IP6K2: variants seen among roughly 807,000 people sequenced by gnomAD.
The protein encoded by IP6K2 is ATP:1D-myo-inositol-hexakisphosphate phosphotransferase.
Under a neutral mutation model 43.3 loss-of-function variants are expected in IP6K2, and 9 were observed. The observed-to-expected ratio is 0.21, with a 90% CI of 0.13 to 0.36. The LOEUF (loss-of-function observed/expected upper bound fraction) is 0.36. Ranked by LOEUF, IP6K2 falls within the 10% of genes least tolerant of loss-of-function variation. The pLI is 1.00. For missense variants in IP6K2, 332 were observed against 538.4 expected (o/e 0.62, Z 3.79); for synonymous variants, 209 against 202.4 (o/e 1.03, Z -0.28).
Position 48,704,235 on chromosome 3 carries a change from C to T in IP6K2, c.-130-8814G>A, listed in dbSNP as rs572733537. ...AACACCAAATTGACCTGTCTGGGTA[C>T]ATGGCATCAAACTACCATCAACCTC... On this transcript the variant is annotated intron_variant, in intron 1 of 5. Transcript: ENST00000328631. Among the ~76,000 whole-genome samples the T allele has an allele frequency of 7.9e-5, 12 of 152,296 alleles. No individual in the cohort carries two copies. In the South Asian group the frequency reaches 2.5e-3, roughly 32 times the overall value.
At chr3:48,689,755 G>A (rs373167135) in intron 4 of IP6K2, 42 bp from the exon 5 acceptor site, 1 of 1,567,300 alleles carries the variant, frequency 6.4e-7, no homozygotes, top group East Asian at 2.2e-5. Flanking sequence ...AAGTGCTACT[G>A]CATGGGTCCT....
chr3:48,698,950 G>C (rs537219098), intron 1 of IP6K2, among the ~76,000 whole-genome samples: 2 of 152,164 alleles, frequency 1.3e-5, no homozygotes, highest in Admixed American at 1.3e-4. Context: ...TGCTATCACA[G>C]CAATGCTAAC....
chr3:48,695,574 C>G lies in IP6K2; in HGVS notation c.-130-153G>C, dbSNP rs1020060212. ...TGCCACCCACCTTGGCCCCCGCCTT[C>G]TCCGGCAGAAAAACAAAAACACTAT... On this transcript the variant is annotated intron_variant, in intron 1 of 5. Transcript: ENST00000328631. The surrounding 1 kb of genome is among the most constrained non-coding windows in gnomAD (Gnocchi z 4.6). 1 of 1,065,052 alleles carries G rather than the reference C, an allele frequency of 9.4e-7. No homozygotes were observed. Among genetic ancestry groups the G allele is most frequent in the Non-Finnish European group, 1.2e-6 (1 of 831,880 alleles). The allele number at this position is 1,065,052 out of a possible 1,614,324, so 66.0% of individuals were successfully genotyped here.
intron 1 of IP6K2, among the ~76,000 whole-genome samples, chr3:48,700,085 CTTTTG>C (rs1239856631): frequency 6.6e-6 from 1 of 152,094 alleles, no homozygotes; most frequent in African/African-American, 2.4e-5. Flanking sequence ...CTTTTTGATC[CTTTTG>C]TTTTAATTAT....
At chr3:48,693,939 G>A in intron 2 of IP6K2, 1 of 1,356,340 alleles carries the variant, frequency 7.4e-7, no homozygotes, top group African/African-American at 1.5e-5. Flanking sequence ...CAGTCTTTGA[G>A]GATGGGGCTG....
intron 2 of IP6K2, chr3:48,694,009 C>CG: frequency 1.6e-5 from 23 of 1,404,918 alleles, no homozygotes; most frequent in Admixed American, 1.0e-4. Context: ...GGCTGAACAC[C>CG]TTTCCTCCCA....
chr3:48,696,491 G>T (rs1355011831), intron 1 of IP6K2, among the ~76,000 whole-genome samples: 1 of 152,128 alleles, frequency 6.6e-6, no homozygotes, highest in Non-Finnish European at 1.5e-5. Flanking sequence ...TTAAACCAAA[G>T]TTATGCTCTT....
intron 1 of IP6K2, among the ~76,000 whole-genome samples, chr3:48,703,072 A>G (rs2079246522): frequency 6.6e-6 from 1 of 152,226 alleles, no homozygotes; most frequent in Non-Finnish European, 1.5e-5. Context: ...TGCATTTATT[A>G]TTTTCCACCT....
rs139349177 is a variant in IP6K2, at chr3:48,695,189, A to C, written c.103T>G (p.Phe35Val). The stretch of plus-strand genomic sequence containing the variant: ...GGCTTGCACAGGGTTGTCTCATTGA[A>C]GCGGAGCACGCATGAGTGCCCCCCG... Reference protein sequence around the residue: ...QVGGHSCVLRFNETTLCKPLV... With the variant: ...QVGGHSCVLRVNETTLCKPLV... Residue 35 changes from phenylalanine (F) to valine (V), a missense_variant, in exon 2 of 6, where the codon TTC becomes GTC. Coordinates refer to ENST00000328631, the MANE Select transcript of IP6K2 (RefSeq NM_016291.4). This position sits in a 1 kb window ranked among gnomAD's most constrained non-coding sequence, Gnocchi z 4.6. 1.9e-6 allele frequency: 3 copies of C among 1,593,444 alleles called. No individual in the cohort carries two copies. The African/African-American group carries it at 4.0e-5, about 21-fold the overall frequency.
intron 1 of IP6K2, among the ~76,000 whole-genome samples, chr3:48,714,012 G>A (rs1235773873): frequency 2.0e-5 from 3 of 152,104 alleles, no homozygotes; most frequent in Non-Finnish European, 4.4e-5. Context: ...AGCTACTAGG[G>A]AGGCTGAGGC....
intron 4 of IP6K2, 38 bp from the exon 5 acceptor site, chr3:48,689,751 T>C (rs1285050074): frequency 1.9e-6 from 3 of 1,580,444 alleles, no homozygotes; most frequent in South Asian, 2.2e-5. Context: ...AAGGAAGTGC[T>C]ACTGCATGGG....
chr3:48,705,915 A>C (rs2079700605), intron 1 of IP6K2, among the ~76,000 whole-genome samples: 1 of 150,508 alleles, frequency 6.6e-6, no homozygotes, highest in Admixed American at 6.6e-5. Flanking sequence ...AAAATAAAAA[A>C]AAACAGAAGG....
chr3:48,706,965 TTTG>T (rs1559553343), intron 1 of IP6K2, among the ~76,000 whole-genome samples: 2 of 152,308 alleles, frequency 1.3e-5, no homozygotes, highest in African/African-American at 4.8e-5. Flanking sequence ...CTTACCTAAT[TTTG>T]TTATCATAAT....
chr3:48,713,219 C>T (rs1402707637), intron 1 of IP6K2, among the ~76,000 whole-genome samples: 2 of 152,234 alleles, frequency 1.3e-5, no homozygotes, highest in Non-Finnish European at 2.9e-5. Context: ...CTGAGACAAG[C>T]TCACACGGCC....
At chr3:48,700,939 G>A (rs1241880014) in intron 1 of IP6K2, among the ~76,000 whole-genome samples, 1 of 152,324 alleles carries the variant, frequency 6.6e-6, no homozygotes, top group East Asian at 1.9e-4. Context: ...ACAAGCCAGG[G>A]TTAATTATGC....
At chr3:48,714,953 CAG>C (rs1282788407) in intron 1 of IP6K2, among the ~76,000 whole-genome samples, 1 of 151,244 alleles carries the variant, frequency 6.6e-6, no homozygotes, top group East Asian at 1.9e-4. Flanking sequence ...TTATGGATGA[CAG>C]ACCCAAATCA....
chr3:48,697,539 C>G (rs1420802901), intron 1 of IP6K2, among the ~76,000 whole-genome samples: 1 of 135,966 alleles, frequency 7.4e-6, no homozygotes, highest in East Asian at 2.3e-4. Context: ...CAGGGTTTCA[C>G]CATGTTGGCC....
intron 1 of IP6K2, among the ~76,000 whole-genome samples, chr3:48,697,315 G>A (rs1446134020): frequency 6.6e-5 from 10 of 151,284 alleles, no homozygotes; most frequent in Non-Finnish European, 1.2e-4. Context: ...CACCGCGCCC[G>A]GCCAGTTGTT....
intron 1 of IP6K2, among the ~76,000 whole-genome samples, chr3:48,696,407 T>C (rs376965127): frequency 6.6e-6 from 1 of 152,198 alleles, no homozygotes; most frequent in Non-Finnish European, 1.5e-5. Context: ...TAACTCCATT[T>C]AAAAAGATAC....
Sources: allele counts gnomAD v4.1 joint callset (sites outside exome capture counted in the v4.1 genomes callset), GRCh38; gene constraint gnomAD v4.1.1; non-coding constraint Gnocchi (gnomAD v3.1); transcripts MANE v1.5; gene names NCBI Gene and HGNC (gene_info 2026-07-23, HGNC 2026-07-21).